Variants in ARRDC3 observed in about 807,000 individuals in gnomAD.
The protein encoded by ARRDC3 is arrestin domain containing 3.
In ARRDC3, 10 loss-of-function variants were observed where a neutral mutation model predicts 47.2. The ratio of observed to expected loss-of-function variants is 0.21; its 90% CI spans 0.13 to 0.36. The LOEUF (loss-of-function observed/expected upper bound fraction) is 0.36, where lower values mean the gene tolerates loss of function less well. ARRDC3 is among the 10% of genes least tolerant of loss of function. The pLI is 1.00. For synonymous variants in ARRDC3, 156 were observed against 178.3 expected, an observed-to-expected ratio of 0.87 and a Z score of 1.00; for missense variants, 381 against 503.6, an observed-to-expected ratio of 0.76 and a Z score of 2.33.
chr5:91,371,161 T>TC lies in ARRDC3; in HGVS notation c.*238dup. 1 of 516,494 alleles carries TC rather than the reference T, an allele frequency of 1.9e-6. No homozygotes were observed. Among genetic ancestry groups the TC allele is most frequent in the African/African-American group, 1.9e-5 (1 of 52,250 alleles). The allele number at this position is 516,494 out of a possible 1,614,324, so 32.0% of individuals were successfully genotyped here. A position where few individuals can be genotyped will look rare whatever the true frequency, so the allele number is the denominator to read the frequency against. On this transcript the variant is annotated 3_prime_UTR_variant, in exon 8 of 8. Coordinates refer to ENST00000265138, the MANE Select transcript of ARRDC3 (RefSeq NM_020801.4). Reference sequence around the variant, plus strand: ...TACGACCATAGGCTAAGAAGACTGCTCTGAGTATGTGCCAGTTTTAAAAGA... The same window carrying TC: ...TACGACCATAGGCTAAGAAGACTGCTCCTGAGTATGTGCCAGTTTTAAAAGA...
chr5:91,375,418 T>A, intron 4 of ARRDC3, 93 bp downstream of exon 4: 1 of 924,690 alleles, frequency 1.1e-6, no homozygotes, highest in Non-Finnish European at 1.6e-6. Flanking sequence ...AAAAGAATAC[T>A]ATATTATGTT....
chr5:91,379,446 A>C (rs115384605), intron 1 of ARRDC3, among the ~76,000 whole-genome samples: 1 of 152,170 alleles, frequency 6.6e-6, no homozygotes, highest in Non-Finnish European at 1.5e-5. Flanking sequence ...CATAAACTAT[A>C]CCTTAGATAA....
At chr5:91,380,343 T>C (rs963745681) in intron 1 of ARRDC3, 3 of 152,934 alleles carry the variant, frequency 2.0e-5, no homozygotes, top group African/African-American at 7.2e-5. Flanking sequence ...GCCGCGGCGC[T>C]TCCGCTTTAC....
intron 7 of ARRDC3, among the ~76,000 whole-genome samples, chr5:91,371,801 C>T (rs1270097490): frequency 6.6e-6 from 1 of 152,152 alleles, no homozygotes; most frequent in East Asian, 1.9e-4. Flanking sequence ...GACCTAAATA[C>T]ACAACGTAGA....
chr5:91,371,891 G>C (rs1799186190), intron 7 of ARRDC3, among the ~76,000 whole-genome samples: 2 of 152,076 alleles, frequency 1.3e-5, no homozygotes, highest in African/African-American at 2.4e-5. Context: ...CGCTTCCTCT[G>C]ACTTTGGAAA....
At chr5:91,375,225 C>T in intron 4 of ARRDC3, 47 bp from the exon 5 acceptor site, 1 of 1,525,868 alleles carries the variant, frequency 6.6e-7, no homozygotes. Context: ...AAAAAAACAA[C>T]AAAAGAAGTC....
Position 91,371,135 on chromosome 5 carries a change from G to A in ARRDC3, c.*265C>T, listed in dbSNP as rs1471230360. The A allele has an allele frequency of 2.8e-5, 11 of 398,114 alleles. No individual in the cohort carries two copies. The highest frequency in any genetic ancestry group is 1.0e-4 in the African/African-American group (5 of 48,816). The allele number at this position is 398,114 out of a possible 1,614,324, so 24.7% of individuals were successfully genotyped here. A position where few individuals can be genotyped will look rare whatever the true frequency, so the allele number is the denominator to read the frequency against. On this transcript the variant is annotated 3_prime_UTR_variant, in exon 8 of 8. Coordinates refer to ENST00000265138, the MANE Select transcript of ARRDC3 (RefSeq NM_020801.4). ...TCTTTACAACGTGATGTCTTGACAC[G>A]TACGACCATAGGCTAAGAAGACTGC...
intron 2 of ARRDC3, 108 bp from the exon 3 acceptor site, chr5:91,376,876 A>G (rs1267001581): frequency 9.2e-7 from 1 of 1,088,362 alleles, no homozygotes; most frequent in Non-Finnish European, 1.2e-6. Context: ...TGTTCCAATG[A>G]GGTATCAAAC....
intron 5 of ARRDC3, 111 bp from the exon 6 acceptor site, chr5:91,374,387 A>T: frequency 1.1e-6 from 1 of 912,460 alleles, no homozygotes; most frequent in Non-Finnish European, 1.7e-6. Context: ...TCATTTTTAA[A>T]CTTACATACA....
intron 1 of ARRDC3, among the ~76,000 whole-genome samples, chr5:91,379,052 C>T (rs1799374768): frequency 2.0e-5 from 3 of 152,030 alleles, no homozygotes; most frequent in South Asian, 4.1e-4. Flanking sequence ...AACTGCAAAG[C>T]ATCTGTTTAT....
At chr5:91,374,626 A>G (rs1030246549) in intron 5 of ARRDC3, among the ~76,000 whole-genome samples, 2 of 152,312 alleles carry the variant, frequency 1.3e-5, no homozygotes, top group South Asian at 4.1e-4. Context: ...GCTCATGCCT[A>G]TAATTCCAAC....
chr5:91,375,636 A>G (rs1270320104), intron 3 of ARRDC3, 23 bp from the exon 4 acceptor site: 2 of 1,547,302 alleles, frequency 1.3e-6, no homozygotes, highest in Non-Finnish European at 8.9e-7. Context: ...AATTAAGAGA[A>G]AAAGGTCAGT....
intron 7 of ARRDC3, among the ~76,000 whole-genome samples, chr5:91,372,729 A>AG (rs1215400611): frequency 1.3e-5 from 2 of 152,228 alleles, no homozygotes; most frequent in Non-Finnish European, 2.9e-5. Context: ...TAATAAAAAA[A>AG]AAGAGAAATA....
chr5:91,375,345 A>C, intron 4 of ARRDC3, 166 bp downstream of exon 4: 1 of 918,616 alleles, frequency 1.1e-6, no homozygotes, highest in Non-Finnish European at 1.6e-6. Context: ...AGCTATTTGA[A>C]AAAGGAAACT....
rs1799311266 is a variant in ARRDC3, at chr5:91,376,705, C to G, written c.426G>C (p.Leu142Phe). 1 of 1,613,856 alleles carries G rather than the reference C, an allele frequency of 6.2e-7. No individual in the cohort carries two copies. ...TTACTGGTAGTAGCCAAGGCCTGTG[C>G]AATTCGGCTTTCACCCAATAGCGCA... is the stretch of plus-strand genomic sequence containing the variant. Reference protein sequence around the residue: ...GSVRYWVKAELHRPWLLPVKL... With the variant: ...GSVRYWVKAEFHRPWLLPVKL... Residue 142 changes from leucine to phenylalanine, a missense_variant, in exon 3 of 8, where the codon TTG (leucine) becomes TTC (phenylalanine). Leu to Phe is a conservative substitution (Grantham distance 22). Coordinates refer to ENST00000265138, the MANE Select transcript of ARRDC3 (RefSeq NM_020801.4).
chr5:91,373,987 T>C, intron 6 of ARRDC3, 127 bp downstream of exon 6: 2 of 1,422,150 alleles, frequency 1.4e-6, no homozygotes, highest in Non-Finnish European at 1.9e-6. Flanking sequence ...AAACTGAATA[T>C]TAGGGGCACA....
chr5:91,374,980 G>C lies in ARRDC3; in HGVS notation c.812C>G (p.Pro271Arg). The change falls in exon 5 of 8, where the codon CCA (proline) becomes CGA (arginine). Residue 271 changes from proline to arginine, a missense_variant. Pro to Arg is a moderately radical substitution (Grantham distance 103). Transcript: ENST00000265138. The part of the protein sequence containing the change: ...ETWNGKLLKI[P>R]PVSPSILDCS... ...GTCGAGGATAGAGGGAGAAACTGGT[G>C]GAATTTTCAGCAACTTGCCATTCCA... The C allele has an allele frequency of 6.2e-7, 1 of 1,614,158 alleles. No homozygotes were observed. Among genetic ancestry groups the C allele is most frequent in the Non-Finnish European group, 8.5e-7 (1 of 1,180,000 alleles).
chr5:91,374,448 G>A (rs886785721), intron 5 of ARRDC3, among the ~76,000 whole-genome samples, 172 bp from the exon 6 acceptor site: 1 of 151,868 alleles, frequency 6.6e-6, no homozygotes, highest in Non-Finnish European at 1.5e-5. Context: ...TTACATATAA[G>A]GTATAATTGT....
In ARRDC3 at chr5:91,378,786, C is replaced by G. The variant is rs372562495; in HGVS notation, c.281-11G>C. 5 of 1,555,212 alleles carry G rather than the reference C, an allele frequency of 3.2e-6. No homozygotes were observed. The highest frequency in any genetic ancestry group is 1.9e-5 in the Admixed American group (1 of 51,870). On this transcript the variant is annotated splice_polypyrimidine_tract_variant and intron_variant, in intron 1 of 7. Coordinates refer to ENST00000265138, the MANE Select transcript of ARRDC3 (RefSeq NM_020801.4). ...CGGAATTATCATCATCTAAAACAAA[C>G]ATAAAAAGAAAACAAAGAATTTATT... is the stretch of plus-strand genomic sequence containing the variant.
Sources: allele counts gnomAD v4.1 joint callset (sites outside exome capture counted in the v4.1 genomes callset), GRCh38; gene constraint gnomAD v4.1.1; transcripts MANE v1.5; gene names NCBI Gene and HGNC (gene_info 2026-07-23, HGNC 2026-07-21).